The following ZPLD1 variants were observed in gnomAD, a reference collection of about 807,000 sequenced individuals.
The protein encoded by ZPLD1 is zona pellucida-like domain-containing protein 1.
A neutral mutation model predicts 47.2 loss-of-function variants in ZPLD1; 34 were observed. That is an observed-to-expected ratio of 0.72 (90% CI 0.55 to 0.96). ZPLD1 has a LOEUF of 0.96. Ranked by LOEUF, ZPLD1 falls within the 40% of genes least tolerant of loss-of-function variation. The probability of loss-of-function intolerance (pLI) is 0.00; values close to 1 mark genes in which losing one functional copy is unlikely to be tolerated. For missense variants in ZPLD1, 512 were observed against 505.8 expected, an observed-to-expected ratio of 1.01 and a Z score of -0.12; for synonymous variants, 176 against 186.2, an observed-to-expected ratio of 0.95 and a Z score of 0.45.
chr3:102,423,760 C>T (rs568239842), intron 8 of ZPLD1, among the ~76,000 whole-genome samples: 97 of 152,102 alleles, frequency 6.4e-4, no homozygotes, highest in Non-Finnish European at 1.1e-3. Flanking sequence ...GAGATTTCAA[C>T]GTGGAGTTTT....
chr3:102,458,193 A>G (rs1454354698), intron 6 of ZPLD1, among the ~76,000 whole-genome samples: 1 of 152,130 alleles, frequency 6.6e-6, no homozygotes, highest in East Asian at 1.9e-4. Context: ...TTTAGGAAAT[A>G]TATATTTTTT....
At position 102,468,988 on chromosome 3, in the gene ZPLD1, C is replaced by A; in HGVS notation, c.786C>A (p.Thr262=). Residue 262 remains threonine (T), a synonymous_variant, in exon 9 of 12, where the codon ACC becomes ACA. Transcript: ENST00000466937. ...GCTGTGACAAGGACCCTCAGACCACCGTCATTGAGAATGGCCGAAGCCAGC... is the reference window on the plus strand; with the variant it reads ...GCTGTGACAAGGACCCTCAGACCACAGTCATTGAGAATGGCCGAAGCCAGC... ...FLSCDKDPQT[T]VIENGRSQRG... is the part of the protein sequence containing the mutation. 1 of 1,613,698 alleles carries A rather than the reference C, an allele frequency of 6.2e-7. No homozygotes were observed. Among genetic ancestry groups the A allele is most frequent in the Non-Finnish European group, 8.5e-7 (1 of 1,179,816 alleles).
intron 8 of ZPLD1, among the ~76,000 whole-genome samples, chr3:102,426,059 A>G (rs1706941976): frequency 1.3e-5 from 2 of 151,896 alleles, no homozygotes; most frequent in Admixed American, 1.3e-4. Flanking sequence ...TCAAATATAC[A>G]AACATTGAAA....
intron 8 of ZPLD1, 80 bp from the exon 9 acceptor site, chr3:102,468,884 T>C: frequency 5.0e-6 from 7 of 1,393,796 alleles, no homozygotes; most frequent in Non-Finnish European, 6.9e-6. Context: ...GGAGTCTTAA[T>C]ACGGTAGAAA....
At chr3:102,430,939 G>T (rs1707009054), upstream of ZPLD1, among the ~76,000 whole-genome samples, 3 of 152,098 alleles carry the variant, frequency 2.0e-5, no homozygotes, top group Admixed American at 2.0e-4. Flanking sequence ...AAGGAGGAAG[G>T]AAGTCAATAT....
At chr3:102,396,455 A>G (rs980061137) in intron 7 of ZPLD1, among the ~76,000 whole-genome samples, 1 of 152,168 alleles carries the variant, frequency 6.6e-6, no homozygotes, top group African/African-American at 2.4e-5. Flanking sequence ...TTCTACACTC[A>G]GAACAAAAAC....
intron 6 of ZPLD1, among the ~76,000 whole-genome samples, chr3:102,389,149 G>C (rs1156242751): frequency 6.6e-6 from 1 of 152,224 alleles, no homozygotes; most frequent in Admixed American, 6.5e-5. Context: ...TTAAGTAAAT[G>C]AGGAAGGCTG....
intron 1 of ZPLD1, among the ~76,000 whole-genome samples, chr3:102,435,848 T>C (rs1029434624): frequency 2.0e-5 from 3 of 152,184 alleles, no homozygotes; most frequent in Admixed American, 6.5e-5. Context: ...TTCACCGTAT[T>C]AGCCAGGATG....
At chr3:102,429,298 G>T (rs899086440) in intron 8 of ZPLD1, among the ~76,000 whole-genome samples, 1 of 152,048 alleles carries the variant, frequency 6.6e-6, no homozygotes, top group Non-Finnish European at 1.5e-5. Context: ...TGCATTTCTT[G>T]ATTCTTAACA....
At chr3:102,474,022 G>A (rs1208543713) in intron 10 of ZPLD1, among the ~76,000 whole-genome samples, 2 of 152,144 alleles carry the variant, frequency 1.3e-5, no homozygotes, top group African/African-American at 2.4e-5. Context: ...GTAGAGTTCA[G>A]TAAGTTGTTA....
intron 10 of ZPLD1, among the ~76,000 whole-genome samples, chr3:102,473,787 C>T (rs1408447069): frequency 6.6e-6 from 1 of 152,148 alleles, no homozygotes; most frequent in Non-Finnish European, 1.5e-5. Flanking sequence ...AAATCCTGTG[C>T]AAACTTCATG....
At chr3:102,442,587 T>C (rs1016861140) in intron 3 of ZPLD1, among the ~76,000 whole-genome samples, 1 of 152,040 alleles carries the variant, frequency 6.6e-6, no homozygotes, top group East Asian at 1.9e-4. Flanking sequence ...TCAGTATCTC[T>C]TCCACATCAC....
At chr3:102,424,828 T>A (rs1428741581) in intron 8 of ZPLD1, among the ~76,000 whole-genome samples, 1 of 152,168 alleles carries the variant, frequency 6.6e-6, no homozygotes, top group East Asian at 1.9e-4. Context: ...GCAATCCTAT[T>A]CTATTTCATG....
In ZPLD1 at chr3:102,478,451, A is replaced by G. The variant is rs1024167542; in HGVS notation, c.*833A>G. 1 of 152,270 alleles carries G rather than the reference A, an allele frequency of 6.6e-6. No individual in the cohort carries two copies. Among genetic ancestry groups the G allele is most frequent in the African/African-American group, 2.4e-5 (1 of 41,466 alleles). The allele number at this position is 152,270 out of a possible 1,614,324, so 9.4% of individuals were successfully genotyped here. ...GATTATTTTTAATTCAAGAATCATC[A>G]CATGTGAAAACAAGCTGTAGTTGTG... On this transcript the variant is annotated 3_prime_UTR_variant, in exon 12 of 12. Coordinates refer to ENST00000466937, the MANE Select transcript of ZPLD1 (RefSeq NM_001329788.2).
At chr3:102,470,532 A>AAT in intron 10 of ZPLD1, 30 bp downstream of exon 10, 1 of 1,580,144 alleles carries the variant, frequency 6.3e-7, no homozygotes, top group Non-Finnish European at 8.7e-7. Context: ...TGTATGTAGT[A>AAT]ATAGACGGTT....
intron 9 of ZPLD1, among the ~76,000 whole-genome samples, chr3:102,470,155 A>C (rs930070079): frequency 6.6e-6 from 1 of 152,234 alleles, no homozygotes; most frequent in Non-Finnish European, 1.5e-5. Flanking sequence ...AGAGCCATTG[A>C]GCTATGTAAA....
chr3:102,449,065 T>C (rs1707298888), intron 3 of ZPLD1, among the ~76,000 whole-genome samples: 2 of 152,226 alleles, frequency 1.3e-5, no homozygotes, highest in African/African-American at 4.8e-5. Flanking sequence ...CATGTCCTCA[T>C]TGCCTGCTAT....
intron 3 of ZPLD1, among the ~76,000 whole-genome samples, chr3:102,438,825 A>G (rs1218151595): frequency 6.6e-6 from 1 of 152,196 alleles, no homozygotes; most frequent in East Asian, 1.9e-4. Flanking sequence ...CAGATATGAA[A>G]AATATTGCCT....
chr3:102,442,056 G>A (rs1472634910), intron 3 of ZPLD1, among the ~76,000 whole-genome samples: 1 of 152,002 alleles, frequency 6.6e-6, no homozygotes. Flanking sequence ...AGACATTCCT[G>A]GGTCACAAAG....
Sources: allele counts gnomAD v4.1 joint callset (sites outside exome capture counted in the v4.1 genomes callset), GRCh38; gene constraint gnomAD v4.1.1; transcripts MANE v1.5; gene names NCBI Gene and HGNC (gene_info 2026-07-23, HGNC 2026-07-21).